Variants in FNDC3B observed in about 807,000 individuals in gnomAD.
FNDC3B encodes the protein fibronectin type III domain containing 3B.
Under a neutral mutation model 151.5 loss-of-function variants are expected in FNDC3B, and 12 were observed. The observed-to-expected ratio is 0.08, with a 90% CI of 0.05 to 0.13. The LOEUF is 0.13. Among genes scored for constraint, FNDC3B ranks in the 10% least tolerant of loss-of-function variants. FNDC3B has a pLI of 1.00. For missense variants in FNDC3B, 1,214 were observed against 1,505.3 expected (o/e 0.81, Z 3.20); for synonymous variants, 528 against 549.0 (o/e 0.96, Z 0.54).
intron 11 of FNDC3B, among the ~76,000 whole-genome samples, chr3:172,319,704 CCTCTTAT>C (rs1344732998): frequency 4.5e-4 from 69 of 152,278 alleles, no homozygotes; most frequent in Non-Finnish European, 5.4e-4. Flanking sequence ...CTGTTAGGAG[CCTCTTAT>C]ATATGGTTAT....
At chr3:172,170,509 C>A (rs1430450934) in intron 3 of FNDC3B, among the ~76,000 whole-genome samples, 1 of 152,194 alleles carries the variant, frequency 6.6e-6, no homozygotes, top group Non-Finnish European at 1.5e-5. Flanking sequence ...CTGTAGTTGT[C>A]CCCAGTCTCC....
At chr3:172,218,176 T>G (rs981934496) in intron 3 of FNDC3B, among the ~76,000 whole-genome samples, 1 of 150,710 alleles carries the variant, frequency 6.6e-6, no homozygotes, top group African/African-American at 2.4e-5. Flanking sequence ...GTCCTTTGAT[T>G]TAGAGCTGTC....
At chr3:172,188,000 T>TG (rs1409199453) in intron 3 of FNDC3B, among the ~76,000 whole-genome samples, 40 of 151,058 alleles carry the variant, frequency 2.6e-4, no homozygotes, top group Non-Finnish European at 4.1e-4. Flanking sequence ...TAAGCAGTTT[T>TG]TTTTTTTTTT....
rs138280449 is a variant in FNDC3B, at chr3:172,169,638, T to C, written c.187+36092T>C. Among the ~76,000 whole-genome samples, 59 of 152,286 alleles carry C rather than the reference T, an allele frequency of 3.9e-4. 1 individual carries two copies. The East Asian group carries it at 5.8e-3, about 15-fold the overall frequency. On this transcript the variant is annotated intron_variant, in intron 3 of 25. Coordinates refer to ENST00000415807, the MANE Select transcript of FNDC3B (RefSeq NM_022763.4). ...GAAACCTTCTTACAGGGAATGACTT[T>C]ATGATACCCACACTTTTCAAAGAGT...
At chr3:172,175,664 TA>T (rs1318998060) in intron 3 of FNDC3B, among the ~76,000 whole-genome samples, 1 of 152,224 alleles carries the variant, frequency 6.6e-6, no homozygotes, top group Non-Finnish European at 1.5e-5. Flanking sequence ...GGGGTTTAAG[TA>T]AAATCTAGAA....
intron 23 of FNDC3B, among the ~76,000 whole-genome samples, chr3:172,365,274 C>T (rs1734557533): frequency 2.0e-5 from 3 of 152,164 alleles, no homozygotes; most frequent in Admixed American, 1.3e-4. Context: ...TTTCATTGAA[C>T]TTGTTGCTAG....
rs887326970 is a variant in FNDC3B, at chr3:172,395,097, C to T, written c.3304-2067C>T. Among the ~76,000 whole-genome samples, 14 of 152,332 alleles carry T rather than the reference C, an allele frequency of 9.2e-5. No individual in the cohort carries two copies. The South Asian group carries it at 1.2e-3, about 14-fold the overall frequency. Reference sequence around the variant, plus strand: ...CAATAATAATAATAGCTAACTCCTACTGTGCACTAACTTCATGCCAGGTGT... The same window carrying T: ...CAATAATAATAATAGCTAACTCCTATTGTGCACTAACTTCATGCCAGGTGT... On this transcript the variant is annotated intron_variant, in intron 25 of 25. Transcript: ENST00000415807.
intron 2 of FNDC3B, among the ~76,000 whole-genome samples, chr3:172,112,968 A>G (rs1720050321): frequency 6.6e-6 from 1 of 152,178 alleles, no homozygotes; most frequent in African/African-American, 2.4e-5. Context: ...AGTGATCTCG[A>G]CAAGACACGT....
chr3:172,357,246 C>T (rs996318059), intron 22 of FNDC3B, among the ~76,000 whole-genome samples: 11 of 152,096 alleles, frequency 7.2e-5, no homozygotes, highest in Admixed American at 5.9e-4. Context: ...ATCAGCCTAG[C>T]CAAGAAGAAT....
At chr3:172,175,013 G>A (rs921350834) in intron 3 of FNDC3B, among the ~76,000 whole-genome samples, 26 of 140,596 alleles carry the variant, frequency 1.8e-4, no homozygotes, top group Non-Finnish European at 3.0e-4. Flanking sequence ...TCTCACAGGG[G>A]TTCCCAGTTG....
In FNDC3B at chr3:172,253,436, C is replaced by A. The variant is rs1344630578; in HGVS notation, c.790+1895C>A. Among the ~76,000 whole-genome samples, 3 of 152,190 alleles carry A rather than the reference C, an allele frequency of 2.0e-5. No individual in the cohort carries two copies. The East Asian group carries it at 5.8e-4, about 29-fold the overall frequency. On this transcript the variant is annotated intron_variant, in intron 6 of 25. Coordinates refer to ENST00000415807, the MANE Select transcript of FNDC3B (RefSeq NM_022763.4). Reference sequence around the variant, plus strand: ...GTGGCTCACAATGTTTCAGTTGTGTCTGCCTCAAAATGTGGTTGTTGGCTC... The same window carrying A: ...GTGGCTCACAATGTTTCAGTTGTGTATGCCTCAAAATGTGGTTGTTGGCTC...
chr3:172,151,513 T>A (rs566285555), intron 3 of FNDC3B, among the ~76,000 whole-genome samples: 1 of 152,338 alleles, frequency 6.6e-6, no homozygotes, highest in South Asian at 2.1e-4. Context: ...ATATTACCTT[T>A]GGATCTAGCC....
chr3:172,150,834 G>C (rs1303810666), intron 3 of FNDC3B, among the ~76,000 whole-genome samples: 1 of 151,848 alleles, frequency 6.6e-6, no homozygotes. Context: ...TCGAGAATGG[G>C]GTGTCCATCC....
At chr3:172,168,928 A>T (rs1441800497) in intron 3 of FNDC3B, among the ~76,000 whole-genome samples, 1 of 125,984 alleles carries the variant, frequency 7.9e-6, no homozygotes, top group African/African-American at 3.0e-5. Flanking sequence ...GGCCAGGCTG[A>T]TCTTGAACTC....
At chr3:172,121,579 T>C (rs1576884015) in intron 2 of FNDC3B, among the ~76,000 whole-genome samples, 3 of 152,238 alleles carry the variant, frequency 2.0e-5, no homozygotes, top group Admixed American at 6.5e-5. Flanking sequence ...GTAAAAGCAG[T>C]CCAAGCGCAG....
chr3:172,162,453 G>A (rs569539600), intron 3 of FNDC3B, among the ~76,000 whole-genome samples: 3 of 152,200 alleles, frequency 2.0e-5, no homozygotes, highest in South Asian at 4.1e-4. Context: ...GAGCATTTAT[G>A]TGCAAGTTTT....
intron 3 of FNDC3B, among the ~76,000 whole-genome samples, chr3:172,201,662 G>A (rs1041870974): frequency 1.3e-5 from 2 of 152,200 alleles, no homozygotes; most frequent in Non-Finnish European, 2.9e-5. Context: ...CTTAATGAGA[G>A]TCTGAGTCAC....
intron 3 of FNDC3B, among the ~76,000 whole-genome samples, chr3:172,219,535 C>G (rs1726164057): frequency 6.6e-6 from 1 of 152,184 alleles, no homozygotes; most frequent in African/African-American, 2.4e-5. Flanking sequence ...CAATGTTATG[C>G]AACCACTACC....
At chr3:172,076,248 T>C (rs1386930895) in intron 1 of FNDC3B, among the ~76,000 whole-genome samples, 1 of 152,236 alleles carries the variant, frequency 6.6e-6, no homozygotes, top group Non-Finnish European at 1.5e-5. Flanking sequence ...ATTCTACAAA[T>C]GTTTGTTCTA....
Sources: gnomAD v4.1 joint callset for allele counts (sites outside exome capture counted in the v4.1 genomes callset) on GRCh38, gnomAD v4.1.1 for gene constraint, MANE v1.5 for transcripts, NCBI Gene and HGNC (gene_info 2026-07-23, HGNC 2026-07-21) for gene names.